CSE1L: variants seen among roughly 807,000 people sequenced by gnomAD.
The protein encoded by CSE1L is exportin-2.
In CSE1L, 24 loss-of-function variants were observed where a neutral mutation model predicts 120.4. The ratio of observed to expected loss-of-function variants is 0.20; its 90% CI spans 0.14 to 0.28. The LOEUF is 0.28. Among genes scored for constraint, CSE1L ranks in the 10% least tolerant of loss-of-function variants. The probability of loss-of-function intolerance (pLI) is 1.00; values close to 1 mark genes in which losing one functional copy is unlikely to be tolerated. For synonymous variants in CSE1L, 402 were observed against 398.3 expected (o/e 1.01, Z -0.11); for missense variants, 830 against 1,145.2 (o/e 0.72, Z 3.97).
chr20:49,094,337 G>T, intron 23 of CSE1L, 51 bp downstream of exon 23: 2 of 1,547,740 alleles, frequency 1.3e-6, no homozygotes, highest in South Asian at 2.4e-5. Flanking sequence ...CTTCCCATAT[G>T]ACTGCAAAAT....
At chr20:49,063,144 T>C in intron 2 of CSE1L, 58 bp from the exon 3 acceptor site, 1 of 926,984 alleles carries the variant, frequency 1.1e-6, no homozygotes. Flanking sequence ...ATATATTTGA[T>C]ATATATAAGG....
At chr20:49,065,653 G>T (rs1201315345) in intron 3 of CSE1L, among the ~76,000 whole-genome samples, 1 of 143,274 alleles carries the variant, frequency 7.0e-6, no homozygotes, top group Admixed American at 7.5e-5. Flanking sequence ...GAGTGCAGCG[G>T]CACCATCTCG....
chr20:49,066,356 C>T lies in CSE1L; in HGVS notation c.331-9C>T, dbSNP rs2246266. 0.28 allele frequency: 448,066 copies of T among 1,613,468 alleles called. 65,567 individuals are homozygous for T. Among genetic ancestry groups the T allele is most frequent in the East Asian group, 0.45 (20,329 of 44,858 alleles). On this transcript the variant is annotated splice_polypyrimidine_tract_variant and intron_variant, in intron 4 of 24. Transcript: ENST00000262982. ...AAGCTCTGATCTAATTAATCTTTTC[C>T]TCTCCTAGTTAAGTGATGCAATTAG...
At chr20:49,086,818 A>C (rs141691400) in intron 16 of CSE1L, among the ~76,000 whole-genome samples, 88 of 152,310 alleles carry the variant, frequency 5.8e-4, no homozygotes, top group South Asian at 1.0e-3. Flanking sequence ...AGGAGCACCA[A>C]TTTATCCTCT....
intron 2 of CSE1L, among the ~76,000 whole-genome samples, chr20:49,061,118 T>C (rs2091849018): frequency 6.6e-6 from 1 of 152,144 alleles, no homozygotes; most frequent in Admixed American, 6.5e-5. Context: ...GGCTCTAATC[T>C]TTAATCTTCT....
In CSE1L at chr20:49,089,616, C is replaced by T; in HGVS notation, c.2051C>T (p.Ala684Val). The T allele has an allele frequency of 6.2e-7, 1 of 1,614,104 alleles. No individual in the cohort carries two copies. Among genetic ancestry groups the T allele is most frequent in the African/African-American group, 1.3e-5 (1 of 75,016 alleles). ...HKNDIPSSYM[A>V]LFPHLLQPVL... is the part of the protein sequence containing the mutation. ...AATGACATCCCGTCTTCCTATATGG[C>T]CTTATTTCCTCATCTCCTTCAGCCA... Residue 684 changes from alanine to valine, a missense_variant, in exon 19 of 25, where the codon GCC becomes GTC. Transcript: ENST00000262982.
At position 49,072,710 on chromosome 20, in the gene CSE1L, A is replaced by G. The variant is rs745346113; in HGVS notation, c.1066+13A>G. 2 of 1,599,990 alleles carry G rather than the reference A, an allele frequency of 1.3e-6. No individual in the cohort carries two copies. The highest frequency in any genetic ancestry group is 2.2e-5 in the East Asian group (1 of 44,748). Reference sequence around the variant, plus strand: ...ATGGAATTTAGAGGTAATTATGGCAAAAGTATATTAGTATAAATCTACTAA... The same window carrying G: ...ATGGAATTTAGAGGTAATTATGGCAGAAGTATATTAGTATAAATCTACTAA... On this transcript the variant is annotated intron_variant, in intron 10 of 24. Coordinates refer to ENST00000262982, the MANE Select transcript of CSE1L (RefSeq NM_001316.4).
At chr20:49,074,703 T>G in intron 10 of CSE1L, 82 bp from the exon 11 acceptor site, 1 of 1,154,230 alleles carries the variant, frequency 8.7e-7, no homozygotes. Context: ...CAAGGCAGTT[T>G]TACATACTCT....
At position 49,075,398 on chromosome 20, in the gene CSE1L, T is replaced by C; in HGVS notation, c.1213T>C (p.Phe405Leu). 1 of 1,614,144 alleles carries C rather than the reference T, an allele frequency of 6.2e-7. No individual in the cohort carries two copies. The change falls in exon 12 of 25, where the codon TTC becomes CTC. Residue 405 changes from phenylalanine to leucine, a missense_variant. Phe to Leu is a conservative substitution (Grantham distance 22). Coordinates refer to ENST00000262982, the MANE Select transcript of CSE1L (RefSeq NM_001316.4). Reference sequence around the variant, plus strand: ...TTTTGAGGGACCTGTGACAGGAATCTTCTCTGGTTATGTTAATTCCATGCT... The same window carrying C: ...TTTTGAGGGACCTGTGACAGGAATCCTCTCTGGTTATGTTAATTCCATGCT... ...KFFEGPVTGI[F>L]SGYVNSMLQE...
At chr20:49,091,910 A>G (rs962129417) in intron 21 of CSE1L, 136 bp from the exon 22 acceptor site, 25 of 620,578 alleles carry the variant, frequency 4.0e-5, no homozygotes, top group East Asian at 3.3e-4. Flanking sequence ...CAAGTTTTCT[A>G]TTTACTAGAA....
chr20:49,073,630 C>T (rs540543182), intron 10 of CSE1L, among the ~76,000 whole-genome samples: 1 of 152,162 alleles, frequency 6.6e-6, no homozygotes, highest in South Asian at 2.1e-4. Context: ...GGACTACAGA[C>T]GTGCACCACC....
intron 6 of CSE1L, among the ~76,000 whole-genome samples, chr20:49,068,359 C>T (rs1354266465): frequency 6.6e-6 from 1 of 152,070 alleles, no homozygotes; most frequent in Non-Finnish European, 1.5e-5. Flanking sequence ...GAGGCCGAGG[C>T]GGGCGGATCA....
At chr20:49,080,211 GT>G (rs2092000484) in intron 14 of CSE1L, among the ~76,000 whole-genome samples, 1 of 148,160 alleles carries the variant, frequency 6.7e-6, no homozygotes, top group South Asian at 2.1e-4. Context: ...TATACTTTCT[GT>G]TTCATTTTAT....
intron 1 of CSE1L, among the ~76,000 whole-genome samples, chr20:49,046,821 G>T (rs2091715591): frequency 6.6e-6 from 1 of 152,232 alleles, no homozygotes; most frequent in South Asian, 2.1e-4. Flanking sequence ...TCTCTGCGAC[G>T]GTGGCTGCTA....
intron 24 of CSE1L, among the ~76,000 whole-genome samples, chr20:49,095,782 C>CT (rs2092134902): frequency 6.6e-6 from 1 of 152,050 alleles, no homozygotes; most frequent in Non-Finnish European, 1.5e-5. Flanking sequence ...AGTTCTAGTG[C>CT]TTTGGGAGGC....
intron 13 of CSE1L, 89 bp downstream of exon 13, chr20:49,077,153 C>CTA: frequency 2.5e-6 from 1 of 401,512 alleles, no homozygotes. Flanking sequence ...CCCTTTTGTT[C>CTA]TTTTTTTTTT....
intron 3 of CSE1L, 131 bp from the exon 4 acceptor site, chr20:49,066,061 A>G: frequency 1.4e-6 from 1 of 738,934 alleles, no homozygotes; most frequent in Non-Finnish European, 2.2e-6. Context: ...GAAACTGAAG[A>G]AAGACCAAAC....
intron 1 of CSE1L, among the ~76,000 whole-genome samples, chr20:49,057,165 A>C (rs1426200444): frequency 6.6e-6 from 1 of 152,060 alleles, no homozygotes; most frequent in Non-Finnish European, 1.5e-5. Flanking sequence ...GTCTCTACAA[A>C]ATTTTTTTTT....
intron 2 of CSE1L, among the ~76,000 whole-genome samples, chr20:49,059,234 C>T (rs770753658): frequency 5.3e-5 from 8 of 151,856 alleles, no homozygotes; most frequent in Non-Finnish European, 1.2e-4. Context: ...TAATCAGTTA[C>T]TGTCTCTTAA....
Sources: allele counts gnomAD v4.1 joint callset (sites outside exome capture counted in the v4.1 genomes callset), GRCh38; gene constraint gnomAD v4.1.1; transcripts MANE v1.5; gene names NCBI Gene and HGNC (gene_info 2026-07-23, HGNC 2026-07-21).